Variants in RNF216 observed in about 807,000 individuals in gnomAD.
The protein encoded by RNF216 is E3 ubiquitin-protein ligase RNF216.
Under a neutral mutation model 110.8 loss-of-function variants are expected in RNF216, and 72 were observed. The ratio of observed to expected loss-of-function variants is 0.65; its 90% CI spans 0.54 to 0.79. The LOEUF (loss-of-function observed/expected upper bound fraction) is 0.79. Ranked by LOEUF, RNF216 falls within the 30% of genes least tolerant of loss-of-function variation. The pLI, the probability that RNF216 is intolerant of heterozygous loss-of-function variation, is 0.00. For missense variants in RNF216, 1,342 were observed against 1,141.2 expected, an observed-to-expected ratio of 1.18 and a Z score of -2.54; for synonymous variants, 495 against 407.5, an observed-to-expected ratio of 1.21 and a Z score of -2.59.
chr7:5,625,569 TATTA>T (rs1352103882), intron 15 of RNF216, among the ~76,000 whole-genome samples: 2 of 152,232 alleles, frequency 1.3e-5, no homozygotes, highest in Non-Finnish European at 2.9e-5. Flanking sequence ...CTTACTAGGT[TATTA>T]ATGTCACAGC....
intron 5 of RNF216, among the ~76,000 whole-genome samples, chr7:5,733,474 CAGA>C (rs1416234066): frequency 2.6e-5 from 4 of 152,058 alleles, no homozygotes; most frequent in African/African-American, 9.7e-5. Flanking sequence ...TGTTCATTTG[CAGA>C]AGGAGAGAAA....
Position 5,757,106 on chromosome 7 carries a change from T to C in RNF216, c.67+3897A>G, listed in dbSNP as rs139313068. Reference sequence around the variant, plus strand: ...CACACTGGGTGCAGAATCCCACCTATGTTTATTACATTTGTTGACCATGTT... The same window carrying C: ...CACACTGGGTGCAGAATCCCACCTACGTTTATTACATTTGTTGACCATGTT... On this transcript the variant is annotated intron_variant, in intron 2 of 16. Coordinates refer to ENST00000389902, the MANE Select transcript of RNF216 (RefSeq NM_207111.4). Among the ~76,000 whole-genome samples the C allele has an allele frequency of 3.7e-3, 568 of 152,368 alleles. 2 individuals are homozygous for C. The highest frequency in any genetic ancestry group is 0.013 in the African/African-American group (536 of 41,594).
intron 5 of RNF216, among the ~76,000 whole-genome samples, chr7:5,739,009 GC>G (rs1357107912): frequency 1.3e-5 from 2 of 152,168 alleles, no homozygotes; most frequent in Non-Finnish European, 1.5e-5. Context: ...CCTGATAGTA[GC>G]CAAATCCATA....
At chr7:5,769,735 AAG>A (rs1382903519) in intron 1 of RNF216, among the ~76,000 whole-genome samples, 1 of 149,210 alleles carries the variant, frequency 6.7e-6, no homozygotes, top group Non-Finnish European at 1.5e-5. Flanking sequence ...AAAAGAAAAA[AAG>A]AAAAAAGACT....
intron 13 of RNF216, among the ~76,000 whole-genome samples, chr7:5,706,099 A>T (rs2128624627): frequency 6.6e-6 from 1 of 152,096 alleles, no homozygotes; most frequent in African/African-American, 2.4e-5. Flanking sequence ...ATGTGCCTGT[A>T]GTCCCAGCTA....
At chr7:5,760,470 T>A (rs1326154106) in intron 2 of RNF216, 1 of 382,064 alleles carries the variant, frequency 2.6e-6, no homozygotes, top group Non-Finnish European at 5.3e-6. Context: ...GAGTCGAGAT[T>A]ACGCCATTGC....
At chr7:5,751,528 C>T (rs1562461247) in intron 3 of RNF216, among the ~76,000 whole-genome samples, 1 of 151,948 alleles carries the variant, frequency 6.6e-6, no homozygotes, top group Non-Finnish European at 1.5e-5. Context: ...TTAAACAGGG[C>T]AGTTTAAATC....
intron 15 of RNF216, among the ~76,000 whole-genome samples, chr7:5,627,042 G>A (rs1048752581): frequency 3.3e-5 from 5 of 152,098 alleles, no homozygotes; most frequent in East Asian, 1.9e-4. Flanking sequence ...AACCTCTGCC[G>A]CATCTCCTCG....
At chr7:5,708,836 G>A (rs1447287572) in intron 13 of RNF216, among the ~76,000 whole-genome samples, 2 of 152,132 alleles carry the variant, frequency 1.3e-5, no homozygotes, top group African/African-American at 4.8e-5. Flanking sequence ...CCCTCAGGCA[G>A]CCCCTTGAGA....
intron 13 of RNF216, among the ~76,000 whole-genome samples, chr7:5,702,004 A>T (rs1365092292): frequency 2.0e-5 from 3 of 152,162 alleles, no homozygotes; most frequent in Non-Finnish European, 4.4e-5. Flanking sequence ...GTTGTCTGGG[A>T]CAAGGAAGAG....
intron 13 of RNF216, among the ~76,000 whole-genome samples, chr7:5,707,746 CAG>C (rs1792392204): frequency 9.4e-6 from 1 of 106,932 alleles, no homozygotes; most frequent in African/African-American, 3.7e-5. Context: ...TTTTTTGTGA[CAG>C]AGTCTCACTC....
chr7:5,627,404 C>T (rs1163112901), intron 15 of RNF216, among the ~76,000 whole-genome samples: 1 of 152,164 alleles, frequency 6.6e-6, no homozygotes, highest in Non-Finnish European at 1.5e-5. Flanking sequence ...AGCAACGTTC[C>T]AACGGGCACC....
Position 5,622,782 on chromosome 7 carries a change from C to A in RNF216, c.*78G>T. 7.1e-7 allele frequency: 1 copy of A among 1,404,330 alleles called. No individual in the cohort carries two copies. Among genetic ancestry groups the A allele is most frequent in the Admixed American group, 1.9e-5 (1 of 52,050 alleles). The allele number at this position is 1,404,330 out of a possible 1,614,324, so 87.0% of individuals were successfully genotyped here. On this transcript the variant is annotated 3_prime_UTR_variant, in exon 17 of 17. Transcript: ENST00000389902. ...GACTTAGGATGCAATGGTACAGACA[C>A]CAGCCTTGGGGGAGGGTTCTCCATC...
At chr7:5,719,684 C>T (rs1793292670) in intron 9 of RNF216, among the ~76,000 whole-genome samples, 1 of 152,184 alleles carries the variant, frequency 6.6e-6, no homozygotes, top group Non-Finnish European at 1.5e-5. Context: ...TGGATCAAAA[C>T]AATAAATTCT....
At chr7:5,650,058 G>A (rs1788292695) in intron 14 of RNF216, 1 of 152,164 alleles carries the variant, frequency 6.6e-6, no homozygotes, top group Non-Finnish European at 1.5e-5. Context: ...AATGCCAGAA[G>A]GTTAGAGAGA....
At chr7:5,651,495 A>C (rs1045178637) in intron 14 of RNF216, among the ~76,000 whole-genome samples, 2 of 152,108 alleles carry the variant, frequency 1.3e-5, no homozygotes, top group African/African-American at 4.8e-5. Flanking sequence ...GCCTCCCAAA[A>C]TGCCAGGATT....
intron 13 of RNF216, among the ~76,000 whole-genome samples, chr7:5,697,421 A>G (rs1791697669): frequency 6.6e-6 from 1 of 152,238 alleles, no homozygotes; most frequent in Admixed American, 6.5e-5. Flanking sequence ...ACATGTCTCC[A>G]TATAGGCAGA....
intron 1 of RNF216, among the ~76,000 whole-genome samples, chr7:5,765,033 T>C (rs1289340483): frequency 6.8e-6 from 1 of 146,642 alleles, no homozygotes; most frequent in African/African-American, 2.5e-5. Context: ...ACCAACCCAC[T>C]GCACTCCAGC....
intron 3 of RNF216, among the ~76,000 whole-genome samples, chr7:5,749,457 G>C (rs140766113): frequency 2.0e-5 from 3 of 152,000 alleles, no homozygotes; most frequent in African/African-American, 7.2e-5. Flanking sequence ...GGCCTATATG[G>C]ATGTTTTTTA....
Sources: gnomAD v4.1 joint callset for allele counts (sites outside exome capture counted in the v4.1 genomes callset) on GRCh38, gnomAD v4.1.1 for gene constraint, MANE v1.5 for transcripts, NCBI Gene and HGNC (gene_info 2026-07-23, HGNC 2026-07-21) for gene names.